Variants in THSD4 observed in about 807,000 individuals in gnomAD.
THSD4 encodes thrombospondin type-1 domain-containing protein 4.
THSD4 carries 69 observed loss-of-function variants against 119.0 expected under a neutral mutation model. The ratio of observed to expected loss-of-function variants is 0.58; its 90% CI spans 0.48 to 0.71. The LOEUF (loss-of-function observed/expected upper bound fraction) is 0.71. Among genes scored for constraint, THSD4 ranks in the 30% least tolerant of loss-of-function variants. THSD4 has a pLI of 0.00. For synonymous variants in THSD4, 524 were observed against 540.4 expected (o/e 0.97, Z 0.42); for missense variants, 1,393 against 1,391.1 (o/e 1.00, Z -0.02).
intron 6 of THSD4, among the ~76,000 whole-genome samples, chr15:71,271,388 T>C (rs1042678748): frequency 2.6e-5 from 4 of 152,246 alleles, no homozygotes; most frequent in Non-Finnish European, 5.9e-5. Context: ...ACATACTGTC[T>C]GATTCCATTT....
chr15:71,723,833 C>T (rs763639640), intron 8 of THSD4, among the ~76,000 whole-genome samples: 3 of 151,862 alleles, frequency 2.0e-5, no homozygotes, highest in African/African-American at 4.8e-5. Flanking sequence ...TTTGGGAGGC[C>T]AAGGCAGGAG....
chr15:71,270,373 G>C lies in THSD4; in HGVS notation c.1015+13658G>C, dbSNP rs920742648. The stretch of plus-strand genomic sequence containing the variant: ...AGAAAGGATTCCCTATTTAATAAAT[G>C]GTGTTGAGAAACCTGGCTAGCCATA... On this transcript the variant is annotated intron_variant, in intron 6 of 17. Transcript: ENST00000261862. Among the ~76,000 whole-genome samples, 5 of 152,136 alleles carry C rather than the reference G, an allele frequency of 3.3e-5. 1 individual carries two copies. Among genetic ancestry groups the C allele is most frequent in the Admixed American group, 3.3e-4 (5 of 15,284 alleles).
chr15:71,702,642 C>A (rs2052314915), intron 8 of THSD4, among the ~76,000 whole-genome samples: 1 of 152,200 alleles, frequency 6.6e-6, no homozygotes, highest in South Asian at 2.1e-4. Context: ...GGACAAAAGT[C>A]ATCAACTGGG....
At chr15:71,142,661 A>T (rs576780069) in intron 2 of THSD4, among the ~76,000 whole-genome samples, 2 of 152,346 alleles carry the variant, frequency 1.3e-5, no homozygotes, top group East Asian at 3.9e-4. Flanking sequence ...GCATTAAGAA[A>T]ATCCTAACCC....
intron 6 of THSD4, among the ~76,000 whole-genome samples, chr15:71,378,407 A>G (rs1371918321): frequency 6.6e-6 from 1 of 152,148 alleles, no homozygotes; most frequent in Non-Finnish European, 1.5e-5. Flanking sequence ...CCAGGTGTGG[A>G]CCATCAGAAT....
chr15:71,274,482 A>G (rs2044568170), intron 6 of THSD4, among the ~76,000 whole-genome samples: 1 of 152,068 alleles, frequency 6.6e-6, no homozygotes, highest in African/African-American at 2.4e-5. Context: ...ACTGCATCAT[A>G]AGGGGGCATG....
At chr15:71,480,980 T>C (rs889987768) in intron 7 of THSD4, among the ~76,000 whole-genome samples, 1 of 152,224 alleles carries the variant, frequency 6.6e-6, no homozygotes, top group African/African-American at 2.4e-5. Flanking sequence ...TTTGGTCCAA[T>C]GTCAAATAGT....
intron 2 of THSD4, among the ~76,000 whole-genome samples, chr15:71,142,156 C>T (rs1284959234): frequency 6.6e-6 from 1 of 152,210 alleles, no homozygotes; most frequent in Non-Finnish European, 1.5e-5. Context: ...TAAAATGGTG[C>T]TCTCTCTTGT....
At chr15:71,241,510 G>C (rs2044152519) in intron 4 of THSD4, among the ~76,000 whole-genome samples, 1 of 152,098 alleles carries the variant, frequency 6.6e-6, no homozygotes, top group African/African-American at 2.4e-5. Flanking sequence ...GAAAACTATG[G>C]ATGATTAATT....
chr15:71,124,158 A>G (rs1359695154), intron 1 of THSD4, among the ~76,000 whole-genome samples: 1 of 152,212 alleles, frequency 6.6e-6, no homozygotes, highest in African/African-American at 2.4e-5. Flanking sequence ...GGAAAGGGCC[A>G]AACATTAATA....
chr15:71,537,506 A>T (rs748191650), intron 7 of THSD4, among the ~76,000 whole-genome samples: 2 of 152,036 alleles, frequency 1.3e-5, no homozygotes, highest in African/African-American at 4.8e-5. Context: ...TCACAAGCCA[A>T]TCTCTCTAAT....
At chr15:71,576,106 GAA>G (rs36055990) in intron 7 of THSD4, among the ~76,000 whole-genome samples, 23,212 of 149,008 alleles carry the variant, frequency 0.16, 2,143 homozygotes, top group Middle Eastern at 0.25. Flanking sequence ...CTTTTTTGTG[GAA>G]AAAAAAAAAA....
At chr15:71,459,204 G>T (rs2047384221) in intron 7 of THSD4, among the ~76,000 whole-genome samples, 2 of 141,368 alleles carry the variant, frequency 1.4e-5, no homozygotes, top group African/African-American at 2.7e-5. Context: ...TGTTGCTCAG[G>T]CTGGAGTGCA....
At chr15:71,195,009 A>G (rs1163113800) in intron 3 of THSD4, among the ~76,000 whole-genome samples, 2 of 151,994 alleles carry the variant, frequency 1.3e-5, no homozygotes, top group Non-Finnish European at 1.5e-5. Flanking sequence ...ATAGTCCACC[A>G]TGTGGAATGG....
chr15:71,638,135 T>C (rs1230591523), intron 7 of THSD4, among the ~76,000 whole-genome samples: 1 of 152,212 alleles, frequency 6.6e-6, no homozygotes, highest in Non-Finnish European at 1.5e-5. Flanking sequence ...GCAGGAAGCA[T>C]CAAGCTTGGA....
rs1289477612 is a variant in THSD4 at position 71,745,610 on chromosome 15, G to GA, written c.2036+379dup. On this transcript the variant is annotated intron_variant, in intron 12 of 17. Coordinates refer to ENST00000261862, the MANE Select transcript of THSD4 (RefSeq NM_024817.3). Reference sequence around the variant, plus strand: ...AAAAACATCAGCCTGGAGAGGCCAAGAAAAGTGTCTCGGGAGAGGTCTTGA... The same window carrying GA: ...AAAAACATCAGCCTGGAGAGGCCAAGAAAAAGTGTCTCGGGAGAGGTCTTGA... Among the ~76,000 whole-genome samples the GA allele has an allele frequency of 3.3e-5, 5 of 152,204 alleles. No individual in the cohort carries two copies. In the East Asian group the frequency reaches 9.6e-4, roughly 29 times the overall value.
chr15:71,638,937 C>T (rs922000258), intron 7 of THSD4, among the ~76,000 whole-genome samples: 2 of 152,180 alleles, frequency 1.3e-5, no homozygotes, highest in Non-Finnish European at 2.9e-5. Context: ...TTGGAAGCTC[C>T]ACCATTTTAG....
chr15:71,274,075 G>A (rs2140306726), intron 6 of THSD4, among the ~76,000 whole-genome samples: 1 of 152,290 alleles, frequency 6.6e-6, no homozygotes, highest in East Asian at 1.9e-4. Context: ...CCCACACCTT[G>A]GCCAGGGGGA....
chr15:71,267,027 G>T (rs1424987975), intron 6 of THSD4, among the ~76,000 whole-genome samples: 1 of 152,098 alleles, frequency 6.6e-6, no homozygotes, highest in Admixed American at 6.5e-5. Flanking sequence ...GAACCAAGTT[G>T]GAAAACACTC....
Sources: allele counts gnomAD v4.1 joint callset (sites outside exome capture counted in the v4.1 genomes callset), GRCh38; gene constraint gnomAD v4.1.1; transcripts MANE v1.5; gene names NCBI Gene and HGNC (gene_info 2026-07-23, HGNC 2026-07-21).